DOCK2: variants seen among roughly 807,000 people sequenced by gnomAD.
DOCK2 encodes the protein dedicator of cytokinesis 2.
Under a neutral mutation model 248.9 loss-of-function variants are expected in DOCK2, and 87 were observed. The ratio of observed to expected loss-of-function variants is 0.35; its 90% CI spans 0.29 to 0.42. The LOEUF (loss-of-function observed/expected upper bound fraction) is 0.42. Ranked by LOEUF, DOCK2 falls within the 10% of genes least tolerant of loss-of-function variation. The pLI, the probability that DOCK2 is intolerant of heterozygous loss-of-function variation, is 1.00. For missense variants in DOCK2, 1,747 were observed against 2,300.2 expected (o/e 0.76, Z 4.92); for synonymous variants, 805 against 821.6 (o/e 0.98, Z 0.35).
At chr5:169,974,380 G>T (rs1777638245) in intron 27 of DOCK2, among the ~76,000 whole-genome samples, 1 of 152,126 alleles carries the variant, frequency 6.6e-6, no homozygotes, top group African/African-American at 2.4e-5. Flanking sequence ...CTTTCTTCTG[G>T]TTTTTTCTTC....
chr5:170,040,111 CT>C (rs1232999520), intron 36 of DOCK2, among the ~76,000 whole-genome samples: 1 of 152,228 alleles, frequency 6.6e-6, no homozygotes, highest in Non-Finnish European at 1.5e-5. Flanking sequence ...GCAATGCAAG[CT>C]GTCATGTATT....
intron 25 of DOCK2, among the ~76,000 whole-genome samples, chr5:169,796,126 T>C (rs985847763): frequency 1.2e-4 from 19 of 152,328 alleles, no homozygotes; most frequent in Non-Finnish European, 2.1e-4. Context: ...ATGCTGAGGA[T>C]GTGACTGAGC....
chr5:169,646,796 A>G (rs1473999857), intron 1 of DOCK2, among the ~76,000 whole-genome samples: 1 of 152,246 alleles, frequency 6.6e-6, no homozygotes, highest in African/African-American at 2.4e-5. Context: ...CTCTGTAACT[A>G]TTTAGTAAAC....
intron 27 of DOCK2, among the ~76,000 whole-genome samples, chr5:169,968,721 C>T (rs1269013970): frequency 6.6e-6 from 1 of 152,136 alleles, no homozygotes; most frequent in African/African-American, 2.4e-5. Flanking sequence ...AGGAAGGGTA[C>T]TCCCTGGGTC....
At chr5:169,759,838 A>C (rs1334026866) in intron 24 of DOCK2, 63 bp downstream of exon 24, 1 of 1,596,926 alleles carries the variant, frequency 6.3e-7, no homozygotes, top group African/African-American at 1.3e-5. Context: ...GAGTGGGAGG[A>C]GGGCTCTTAT....
At chr5:169,939,181 G>A (rs1409715897) in intron 27 of DOCK2, among the ~76,000 whole-genome samples, 1 of 151,432 alleles carries the variant, frequency 6.6e-6, no homozygotes, top group South Asian at 2.1e-4. Flanking sequence ...TGGGATTACA[G>A]GCGTGAGCCA....
Position 170,007,848 on chromosome 5 carries a change from A to C in DOCK2, c.3073-649A>C, listed in dbSNP as rs897925497. Among the ~76,000 whole-genome samples, 2 of 152,132 alleles carry C rather than the reference A, an allele frequency of 1.3e-5. 1 individual carries two copies. The highest frequency in any genetic ancestry group is 4.1e-4 in the South Asian group (2 of 4,826). ...CACCTGACTGCTTATTAACCTGCAGATTTCTAGGTCCCACCCCCAGAGGTT... is the reference window on the plus strand; with the variant it reads ...CACCTGACTGCTTATTAACCTGCAGCTTTCTAGGTCCCACCCCCAGAGGTT... On this transcript the variant is annotated intron_variant, in intron 30 of 51. Transcript: ENST00000520908.
intron 27 of DOCK2, among the ~76,000 whole-genome samples, chr5:169,905,899 G>T (rs932917004): frequency 6.6e-6 from 1 of 152,184 alleles, no homozygotes; most frequent in Non-Finnish European, 1.5e-5. Flanking sequence ...CAGTCAAGCT[G>T]ATTTCCTAAA....
At chr5:169,946,997 A>G (rs1253738548) in intron 27 of DOCK2, among the ~76,000 whole-genome samples, 1 of 152,206 alleles carries the variant, frequency 6.6e-6, no homozygotes, top group Non-Finnish European at 1.5e-5. Context: ...GGGTTTGGAG[A>G]GGAGCGCTGA....
rs764000879 is a variant in DOCK2 at position 169,983,111 on chromosome 5, G to T, written c.2843G>T (p.Gly948Val). ...ATGACAGCCATCTTAAACCAGATGG[G>T]TGACCAGCACTACTCCTTCTACATT... ...ACMTAILNQMGDQHYSFYIET... is the reference protein window; with the variant it reads ...ACMTAILNQMVDQHYSFYIET... Residue 948 changes from glycine (G) to valine (V), a missense_variant, in exon 28 of 52, where the codon GGT becomes GTT. Around this residue, in one of 4 missense-constraint regions of DOCK2, gnomAD observed 858 missense variants for 1,183.5 expected, o/e 0.72. Transcript: ENST00000520908. 1 of 1,614,066 alleles carries T rather than the reference G, an allele frequency of 6.2e-7. No individual in the cohort carries two copies. The highest frequency in any genetic ancestry group is 1.1e-5 in the South Asian group (1 of 91,086).
intron 27 of DOCK2, among the ~76,000 whole-genome samples, chr5:169,950,558 G>A (rs1193233399): frequency 2.0e-5 from 3 of 152,172 alleles, no homozygotes; most frequent in East Asian, 1.9e-4. Context: ...TTCTCTGGGG[G>A]TTGTGTCAGT....
chr5:169,911,166 G>A (rs920163707), intron 27 of DOCK2, among the ~76,000 whole-genome samples: 1 of 152,082 alleles, frequency 6.6e-6, no homozygotes, highest in African/African-American at 2.4e-5. Context: ...CTGACAAAAT[G>A]GCCCCTAGTC....
intron 27 of DOCK2, chr5:169,934,585 G>T (rs1033950173): frequency 1.5e-5 from 7 of 454,194 alleles, no homozygotes; most frequent in Non-Finnish European, 2.2e-5. Context: ...CCTGCTCTTT[G>T]CTTCCAGGCT....
At chr5:170,042,442 C>T (rs1037169690) in intron 38 of DOCK2, among the ~76,000 whole-genome samples, 1 of 152,250 alleles carries the variant, frequency 6.6e-6, no homozygotes, top group African/African-American at 2.4e-5. Flanking sequence ...CATTCCCCCA[C>T]TCGCAGTTTC....
In DOCK2 at chr5:170,062,128, TGA is replaced by T. The variant is rs1554129358; in HGVS notation, c.4467+4481_4467+4482del. On this transcript the variant is annotated intron_variant, in intron 44 of 51. Coordinates refer to ENST00000520908, the MANE Select transcript of DOCK2 (RefSeq NM_004946.3). Reference sequence around the variant, plus strand: ...GTGTGTGTGTGTGTGTGTGTGTGTGTGAGAGAGAGAGAGAGAGAGACAGAGAG... The same window carrying T: ...GTGTGTGTGTGTGTGTGTGTGTGTGTGAGAGAGAGAGAGAGAGACAGAGAG... 8.4e-4 allele frequency among the ~76,000 whole-genome samples: 116 copies of T among 137,710 alleles called. 1 individual carries two copies. In the South Asian group the frequency reaches 0.012, roughly 14 times the overall value. 90.3% of individuals were successfully genotyped at this position (137,710 alleles called of 152,430 possible). A position where few individuals can be genotyped will look rare whatever the true frequency, so the allele number is the denominator to read the frequency against.
chr5:169,995,024 T>C (rs1167615952), intron 29 of DOCK2, among the ~76,000 whole-genome samples: 1 of 91,000 alleles, frequency 1.1e-5, no homozygotes, highest in Non-Finnish European at 2.1e-5. Context: ...GTATTGTTAT[T>C]TTTTATTTTT....
At chr5:169,767,440 C>G (rs185532) in intron 25 of DOCK2, among the ~76,000 whole-genome samples, 1 of 152,016 alleles carries the variant, frequency 6.6e-6, no homozygotes, top group South Asian at 2.1e-4. Context: ...TGGTGATCTT[C>G]TTTAACATCT....
At chr5:169,695,999 T>G in intron 10 of DOCK2, 61 bp downstream of exon 10, 1 of 1,516,378 alleles carries the variant, frequency 6.6e-7, no homozygotes. Flanking sequence ...GTGGCTGAAT[T>G]GTAATGATGA....
Position 169,684,073 on chromosome 5 carries a change from A to C in DOCK2, c.607-123A>C, listed in dbSNP as rs1009562360. 5 of 1,134,562 alleles carry C rather than the reference A, an allele frequency of 4.4e-6. No homozygotes were observed. In the Admixed American group the frequency reaches 1.1e-4, roughly 25 times the overall value. The allele number at this position is 1,134,562 out of a possible 1,614,324, so 70.3% of individuals were successfully genotyped here. A position where few individuals can be genotyped will look rare whatever the true frequency, so the allele number is the denominator to read the frequency against. On this transcript the variant is annotated intron_variant, in intron 7 of 51. Transcript: ENST00000520908. ...TCAGGTTACAGAAGCTTTTGATGGC[A>C]GAGCTGGATGGAATGCCCAAACTTT...
Sources: gnomAD v4.1 joint callset for allele counts (sites outside exome capture counted in the v4.1 genomes callset) on GRCh38, gnomAD v4.1.1 for gene constraint, gnomAD v4.1.1 regional missense constraint, MANE v1.5 for transcripts, NCBI Gene and HGNC (gene_info 2026-07-23, HGNC 2026-07-21) for gene names.